The following LRP5 variants were observed in gnomAD, a reference collection of about 807,000 sequenced individuals.
LRP5 encodes the protein LDL receptor related protein 5.
LRP5 carries 62 observed loss-of-function variants against 154.1 expected under a neutral mutation model. That is an observed-to-expected ratio of 0.40 (90% CI 0.33 to 0.50). The LOEUF is 0.50. Among genes scored for constraint, LRP5 ranks in the 20% least tolerant of loss-of-function variants. LRP5 has a pLI of 0.55. For missense variants in LRP5, 1,915 were observed against 2,336.7 expected (o/e 0.82, Z 3.72); for synonymous variants, 966 against 1,011.5 (o/e 0.96, Z 0.85).
chr11:68,377,306 C>T (rs1397825926), intron 5 of LRP5, among the ~76,000 whole-genome samples: 3 of 152,174 alleles, frequency 2.0e-5, no homozygotes, highest in Non-Finnish European at 2.9e-5. Context: ...GGCAGAGCAG[C>T]GACTTTCCTG....
At chr11:68,365,728 GGGC>G (rs1565348922) in intron 5 of LRP5, 26 bp downstream of exon 5, 12 of 1,238,344 alleles carry the variant, frequency 9.7e-6, no homozygotes, top group Middle Eastern at 2.8e-4. Flanking sequence ...GGGACGGGGC[GGGC>G]GGGCGGGGCG....
In LRP5 at chr11:68,433,871, C is replaced by T. The variant is rs564282815; in HGVS notation, c.4000+33C>T. 15 of 1,591,660 alleles carry T rather than the reference C, an allele frequency of 9.4e-6. No individual in the cohort carries two copies. In the Admixed American group the frequency reaches 1.5e-4, roughly 16 times the overall value. On this transcript the variant is annotated intron_variant, in intron 18 of 22. Transcript: ENST00000294304. ...CCTCCCCGTCAAGGCTCTGCCAAGA[C>T]CCTGGCCCTGCCCTCCGGGATACGA...
At chr11:68,416,633 G>A (rs181553858) in intron 13 of LRP5, 106 bp downstream of exon 13, 293 of 1,063,276 alleles carry the variant, frequency 2.8e-4, no homozygotes, top group Admixed American at 7.9e-4. Flanking sequence ...AACAGAGGAT[G>A]GCTCTGGGTG....
At chr11:68,331,422 A>C (rs2098602676) in intron 1 of LRP5, among the ~76,000 whole-genome samples, 1 of 152,214 alleles carries the variant, frequency 6.6e-6, no homozygotes, top group Non-Finnish European at 1.5e-5. Context: ...GCAGGAGAAC[A>C]GCTGCCTCCC....
rs2098666921 is a variant in LRP5 at position 68,423,396 on chromosome 11, A to G, written c.3028-93A>G. 3.3e-6 allele frequency: 4 copies of G among 1,200,926 alleles called. No homozygotes were observed. The African/African-American group carries it at 4.5e-5, about 13-fold the overall frequency. 74.4% of individuals were successfully genotyped at this position (1,200,926 alleles called of 1,614,324 possible). ...CAGCCAGTGCCCGGGGGTCTCCACC[A>G]GTGCCCGGGGGTCTCCGCCAGTGCC... On this transcript the variant is annotated intron_variant, in intron 13 of 22. Transcript: ENST00000294304. The surrounding 1 kb of genome is among the most constrained non-coding windows in gnomAD (Gnocchi z 4.7).
chr11:68,424,230 C>T (rs1361092760), intron 14 of LRP5, among the ~76,000 whole-genome samples: 1 of 152,174 alleles, frequency 6.6e-6, no homozygotes, highest in Non-Finnish European at 1.5e-5. Context: ...AGCACGGGAA[C>T]GTTTGGGGAC....
At position 68,439,594 on chromosome 11, in the gene LRP5, G is replaced by A. The variant is rs773532169; in HGVS notation, c.4349-183G>A. ...TCCCGTTTCACAGATGAGCCCCGGG[G>A]AGCTCACTCTAGTAGTGGCCAGAGA... On this transcript the variant is annotated intron_variant, in intron 20 of 22. Coordinates refer to ENST00000294304, the MANE Select transcript of LRP5 (RefSeq NM_002335.4). Among the ~76,000 whole-genome samples the A allele has an allele frequency of 3.3e-5, 5 of 152,302 alleles. No individual in the cohort carries two copies. In the South Asian group the frequency reaches 6.2e-4, roughly 19 times the overall value.
In LRP5 at chr11:68,413,714, C is replaced by A. The variant is rs143204891; in HGVS notation, c.2529C>A (p.Asp843Glu). 1 of 1,613,784 alleles carries A rather than the reference C, an allele frequency of 6.2e-7. No individual in the cohort carries two copies. The highest frequency in any genetic ancestry group is 8.5e-7 in the Non-Finnish European group (1 of 1,180,030). The change falls in exon 12 of 23, where the codon GAC (aspartate) becomes GAA (glutamate). Residue 843 changes from aspartate (D) to glutamate (E), a missense_variant. Asp to Glu is a conservative substitution (Grantham distance 45). Around this residue, in one of 3 missense-constraint regions of LRP5, gnomAD observed 1,094 missense variants for 1,210.1 expected, o/e 0.90. Coordinates refer to ENST00000294304, the MANE Select transcript of LRP5 (RefSeq NM_002335.4). The surrounding 1 kb of genome is among the most constrained non-coding windows in gnomAD (Gnocchi z 5.1). ...MLGQERVVIA[D>E]DLPHPFGLTQ... ...GTCAGGAGCGGGTCGTGATTGCCGA[C>A]GATCTCCCGCACCCGTTCGGTCTGA...
chr11:68,348,439 C>T (rs1350125564), intron 2 of LRP5, among the ~76,000 whole-genome samples, 196 bp downstream of exon 2: 1 of 148,388 alleles, frequency 6.7e-6, no homozygotes, highest in Non-Finnish European at 1.5e-5. Context: ...GGTGTTGGCT[C>T]AGGCCTGTAA....
chr11:68,324,165 C>T (rs150572493), intron 1 of LRP5, among the ~76,000 whole-genome samples: 8 of 152,350 alleles, frequency 5.3e-5, no homozygotes, highest in Non-Finnish European at 1.0e-4. Flanking sequence ...CTAGTCCTGC[C>T]GCAGAGCAGC....
intron 8 of LRP5, among the ~76,000 whole-genome samples, chr11:68,405,661 T>A (rs1347818702): frequency 6.6e-6 from 1 of 152,076 alleles, no homozygotes; most frequent in Non-Finnish European, 1.5e-5. Context: ...CTAAAGGAGA[T>A]GGGAAAAAGG....
chr11:68,365,123 C>T (rs934664290), intron 4 of LRP5, among the ~76,000 whole-genome samples: 2 of 152,186 alleles, frequency 1.3e-5, no homozygotes, highest in Admixed American at 1.3e-4. Flanking sequence ...CCCATTGTCT[C>T]TGGGGTTCCC....
chr11:68,344,405 A>G (rs2098610990), intron 1 of LRP5, among the ~76,000 whole-genome samples: 1 of 151,690 alleles, frequency 6.6e-6, no homozygotes, highest in African/African-American at 2.4e-5. Flanking sequence ...TGCAACCTCC[A>G]CTTCTCGGGT....
rs546447009 is a variant in LRP5, at chr11:68,315,749, A to T, written c.91+2944A>T. Among the ~76,000 whole-genome samples the T allele has an allele frequency of 6.8e-4, 103 of 152,324 alleles. 1 individual carries two copies. Among genetic ancestry groups the T allele is most frequent in the African/African-American group, 2.4e-3 (100 of 41,564 alleles). On this transcript the variant is annotated intron_variant, in intron 1 of 22. Transcript: ENST00000294304. ...GGAAAGAAGCTTTGCAGCTATGCAG[A>T]GGTGGGCCCACGGGTGCTCCTTCAC...
At chr11:68,344,297 C>A (rs1187341758) in intron 1 of LRP5, among the ~76,000 whole-genome samples, 2 of 152,074 alleles carry the variant, frequency 1.3e-5, no homozygotes, top group African/African-American at 4.8e-5. Context: ...TTATAACATC[C>A]CATTTTTTGA....
At chr11:68,403,780 A>G (rs1458421275) in intron 8 of LRP5, 81 bp downstream of exon 8, 17 of 1,560,296 alleles carry the variant, frequency 1.1e-5, no homozygotes, top group Non-Finnish European at 1.5e-5. Flanking sequence ...GCCTGGGCAT[A>G]AGTGTTGAGC....
chr11:68,302,988 C>A, the LRP5 span, among the ~76,000 whole-genome samples: 1 of 152,158 alleles, frequency 6.6e-6, no homozygotes, highest in Non-Finnish European at 1.5e-5. Context: ...CCTGGGATGG[C>A]CTTTCCTACT....
chr11:68,344,501 G>T (rs1422252063), intron 1 of LRP5, among the ~76,000 whole-genome samples: 3 of 151,666 alleles, frequency 2.0e-5, no homozygotes, highest in African/African-American at 7.3e-5. Context: ...TGTATTTTTA[G>T]TAGAGGCAAG....
Position 68,448,669 on chromosome 11 carries a change from G to A in LRP5, c.4587-140G>A, listed in dbSNP as rs111392797. ...AAGTGATGAGCCCTGGCGACACAGC[G>A]GGGTGGGTCCAGAGTCCGGCCTGCA... is the stretch of plus-strand genomic sequence containing the variant. On this transcript the variant is annotated intron_variant, in intron 22 of 22. Transcript: ENST00000294304. 1,697 of 1,016,272 alleles carry A rather than the reference G, an allele frequency of 1.7e-3. 23 individuals carry two copies. The African/African-American group carries it at 0.024, about 14-fold the overall frequency. The allele number at this position is 1,016,272 out of a possible 1,614,324, so 63.0% of individuals were successfully genotyped here.
Sources: gnomAD v4.1 joint callset for allele counts (sites outside exome capture counted in the v4.1 genomes callset) on GRCh38, gnomAD v4.1.1 for gene constraint, gnomAD v4.1.1 regional missense constraint, Gnocchi (gnomAD v3.1) non-coding constraint, MANE v1.5 for transcripts, NCBI Gene and HGNC (gene_info 2026-07-23, HGNC 2026-07-21) for gene names.